Variants in UBXN6 observed in about 807,000 individuals in gnomAD.
UBXN6 encodes UBX domain protein 6.
UBXN6 carries 44 observed loss-of-function variants against 51.4 expected under a neutral mutation model. The observed-to-expected ratio is 0.86, with a 90% CI of 0.67 to 1.10. The LOEUF is 1.10. Among genes scored for constraint, UBXN6 ranks in the 50% least tolerant of loss-of-function variants. The probability of loss-of-function intolerance (pLI) is 0.00; values close to 1 mark genes in which losing one functional copy is unlikely to be tolerated. For missense variants in UBXN6, 672 were observed against 596.1 expected, an observed-to-expected ratio of 1.13 and a Z score of -1.32; for synonymous variants, 316 against 263.2, an observed-to-expected ratio of 1.20 and a Z score of -1.94.
At chr19:4,450,524 C>T (rs1335149989) in intron 4 of UBXN6, 1 of 151,960 alleles carries the variant, frequency 6.6e-6, no homozygotes, top group African/African-American at 2.4e-5. Flanking sequence ...TTTGGGAGGC[C>T]GAGGCGGGCG....
chr19:4,446,170 C>T lies in UBXN6; in HGVS notation c.1079G>A (p.Gly360Glu), dbSNP rs965247416. Residue 360 changes from glycine (G) to glutamate (E), a missense_variant, in exon 10 of 11, where the codon GGG (glycine) becomes GAG (glutamate). Gly to Glu is a moderately conservative substitution (Grantham distance 98). Coordinates refer to ENST00000301281, the MANE Select transcript of UBXN6 (RefSeq NM_025241.3). Reference protein sequence around the residue: ...QGTFYARERLGAVYGFVREAL... With the variant: ...QGTFYARERLEAVYGFVREAL... ...CTCCCGGACGAACCCGTACACCGCC[C>T]CCAGCCGCTCCCGAGCGTAGAAAGT... is the stretch of plus-strand genomic sequence containing the variant. The T allele has an allele frequency of 1.2e-6, 2 of 1,608,774 alleles. No homozygotes were observed. The highest frequency in any genetic ancestry group is 1.7e-5 in the Admixed American group (1 of 59,742).
chr19:4,452,257 C>G, intron 4 of UBXN6, 107 bp downstream of exon 4: 12 of 1,505,516 alleles, frequency 8.0e-6, no homozygotes, highest in Non-Finnish European at 1.1e-5. Flanking sequence ...CTAGCAGTGG[C>G]CTCTGGGGAC....
At chr19:4,445,960 G>C (rs1449384372) in intron 10 of UBXN6, 89 bp downstream of exon 10, 3 of 1,507,604 alleles carry the variant, frequency 2.0e-6, no homozygotes, top group South Asian at 1.3e-5. Context: ...CTGAGAACAA[G>C]GAGGCTCCCT....
chr19:4,445,641 C>G lies in UBXN6; in HGVS notation c.1201-18G>C. On this transcript the variant is annotated intron_variant, in intron 10 of 10. Transcript: ENST00000301281. ...GAGGGCACCTGCGGTAGGGGTAGGC[C>G]GTCACTCTGAGACCGAGAGTCGGCC... 1 of 1,609,670 alleles carries G rather than the reference C, an allele frequency of 6.2e-7. No homozygotes were observed. Among genetic ancestry groups the G allele is most frequent in the Admixed American group, 1.7e-5 (1 of 59,908 alleles).
At position 4,454,107 on chromosome 19, in the gene UBXN6, G is replaced by A. The variant is rs117885408; in HGVS notation, c.84-14C>T. On this transcript the variant is annotated splice_polypyrimidine_tract_variant and intron_variant, in intron 1 of 10. Coordinates refer to ENST00000301281, the MANE Select transcript of UBXN6 (RefSeq NM_025241.3). ...TGGGCCTTTTCCCTGGGAACAGACCGAGGGAGAGTGAGTGTATCCTCCCGA... is the reference window on the plus strand; with the variant it reads ...TGGGCCTTTTCCCTGGGAACAGACCAAGGGAGAGTGAGTGTATCCTCCCGA... The A allele has an allele frequency of 5.9e-5, 90 of 1,518,588 alleles. No individual in the cohort carries two copies. Among genetic ancestry groups the A allele is most frequent in the East Asian group, 1.6e-4 (7 of 42,914 alleles). The allele number at this position is 1,518,588 out of a possible 1,614,324, so 94.1% of individuals were successfully genotyped here. A position where few individuals can be genotyped will look rare whatever the true frequency, so the allele number is the denominator to read the frequency against.
intron 4 of UBXN6, chr19:4,450,785 AAGAG>A (rs1974640477): frequency 6.8e-6 from 1 of 145,988 alleles, no homozygotes; most frequent in South Asian, 2.2e-4. Flanking sequence ...AAAAAAAAAA[AAGAG>A]TGCCTACAAA....
rs375980769 is a variant in UBXN6, at chr19:4,446,005, G to T, written c.1200+44C>A. ...GTCTGTGCCGGTCCCAGGAGAACCTGCAGAGGCATCGGGTCAGCGGTGCTC... is the reference window on the plus strand; with the variant it reads ...GTCTGTGCCGGTCCCAGGAGAACCTTCAGAGGCATCGGGTCAGCGGTGCTC... On this transcript the variant is annotated intron_variant, in intron 10 of 10. Transcript: ENST00000301281. 2.8e-5 allele frequency: 44 copies of T among 1,562,502 alleles called. No individual in the cohort carries two copies. In the African/African-American group the frequency reaches 5.8e-4, roughly 21 times the overall value.
chr19:4,445,388 G>A lies in UBXN6; in HGVS notation c.*110C>T. On this transcript the variant is annotated 3_prime_UTR_variant, in exon 11 of 11. Transcript: ENST00000301281. ...GCTGGCGCCCCTCCCGTGCCCATGG[G>A]GCAGAGCCAAGTATTTCCAGAGGTG... 2 of 1,547,276 alleles carry A rather than the reference G, an allele frequency of 1.3e-6. No homozygotes were observed. Among genetic ancestry groups the A allele is most frequent in the South Asian group, 2.4e-5 (2 of 82,328 alleles).
At chr19:4,451,393 C>A (rs1298848874) in intron 4 of UBXN6, among the ~76,000 whole-genome samples, 1 of 152,178 alleles carries the variant, frequency 6.6e-6, no homozygotes, top group East Asian at 1.9e-4. Context: ...TCACTTGTCA[C>A]CCAGGCTGGT....
intron 1 of UBXN6, 125 bp from the exon 2 acceptor site, chr19:4,454,218 T>C (rs1974705690): frequency 8.9e-7 from 1 of 1,127,784 alleles, no homozygotes; most frequent in Admixed American, 2.7e-5. Context: ...CCTGCCTATG[T>C]GGGCCAGGAC....
Position 4,455,867 on chromosome 19 carries a change from G to A in UBXN6, c.83+1748C>T, listed in dbSNP as rs533445637. Among the ~76,000 whole-genome samples, 93 of 152,144 alleles carry A rather than the reference G, an allele frequency of 6.1e-4. 1 individual carries two copies. The highest frequency in any genetic ancestry group is 7.7e-4 in the East Asian group (4 of 5,172). On this transcript the variant is annotated intron_variant, in intron 1 of 10. Coordinates refer to ENST00000301281, the MANE Select transcript of UBXN6 (RefSeq NM_025241.3). ...GAGAGGCCTTCCCAAACCACCTGACGGCCCCTGCTCACCCTCCTTGGAGGC... is the reference window on the plus strand; with the variant it reads ...GAGAGGCCTTCCCAAACCACCTGACAGCCCCTGCTCACCCTCCTTGGAGGC...
At chr19:4,457,794 TTAAAAAAAAAAAAAA>T (rs1297900136), upstream of UBXN6, 12 of 161,546 alleles carry the variant, frequency 7.4e-5, no homozygotes, top group African/African-American at 2.7e-4. Context: ...CGGAAGAAAA[TTAAAAAAAAAAAAAA>T]AAAAAAAAAA....
intron 3 of UBXN6, 40 bp downstream of exon 3, chr19:4,453,418 C>T (rs767341765): frequency 3.7e-6 from 6 of 1,601,706 alleles, no homozygotes; most frequent in Non-Finnish European, 5.1e-6. Flanking sequence ...GCTGTCCCCA[C>T]CCCTTGGCAT....
chr19:4,445,940 G>GC (rs1372320692), intron 10 of UBXN6, 109 bp downstream of exon 10: 2 of 1,480,824 alleles, frequency 1.4e-6, no homozygotes, highest in South Asian at 1.4e-5. Flanking sequence ...ACCTGCCCAG[G>GC]CCCCCTGCTC....
chr19:4,446,165 C>T lies in UBXN6; in HGVS notation c.1084G>A (p.Val362Met), dbSNP rs377116965. Residue 362 changes from valine to methionine, a missense_variant, in exon 10 of 11, where the codon GTG becomes ATG. Coordinates refer to ENST00000301281, the MANE Select transcript of UBXN6 (RefSeq NM_025241.3). The stretch of plus-strand genomic sequence containing the variant: ...AGGGCCTCCCGGACGAACCCGTACA[C>T]CGCCCCCAGCCGCTCCCGAGCGTAG... ...TFYARERLGAVYGFVREALQS... is the reference protein window; with the variant it reads ...TFYARERLGAMYGFVREALQS... The T allele has an allele frequency of 2.5e-6, 4 of 1,608,066 alleles. No homozygotes were observed. Among genetic ancestry groups the T allele is most frequent in the Non-Finnish European group, 3.4e-6 (4 of 1,179,096 alleles).
At chr19:4,447,402 T>G (rs536810627) in intron 6 of UBXN6, 148 bp downstream of exon 6, 11 of 795,584 alleles carry the variant, frequency 1.4e-5, no homozygotes, top group East Asian at 2.6e-5. Flanking sequence ...CCTGCTACCT[T>G]CTACTGGCCG....
rs371480940 is a variant in UBXN6, at chr19:4,446,924, G to A, written c.616-4C>T. On this transcript the variant is annotated splice_polypyrimidine_tract_variant and splice_region_variant and intron_variant, in intron 6 of 10. Transcript: ENST00000301281. ...CTTCCAGGCAGTTAATGCGCTCCTG[G>A]GGGTGGAGATGGGCGTCACTGGGGG... 6.3e-5 allele frequency: 101 copies of A among 1,613,546 alleles called. No homozygotes were observed. The highest frequency in any genetic ancestry group is 7.3e-5 in the Non-Finnish European group (86 of 1,179,912).
At chr19:4,447,896 G>A (rs1974571025) in intron 5 of UBXN6, 1 of 524,630 alleles carries the variant, frequency 1.9e-6, no homozygotes, top group African/African-American at 1.9e-5. Flanking sequence ...CACAGCGGTG[G>A]GGAAGCCACA....
intron 1 of UBXN6, among the ~76,000 whole-genome samples, chr19:4,455,745 G>A (rs775197295): frequency 1.3e-5 from 2 of 152,096 alleles, no homozygotes; most frequent in African/African-American, 4.8e-5. Flanking sequence ...TTCTCCGGGG[G>A]AGTGGGAGGA....
Sources: gnomAD v4.1 joint callset for allele counts (sites outside exome capture counted in the v4.1 genomes callset) on GRCh38, gnomAD v4.1.1 for gene constraint, MANE v1.5 for transcripts, NCBI Gene and HGNC (gene_info 2026-07-23, HGNC 2026-07-21) for gene names.